The following LRRTM4 variants were observed in gnomAD, a reference collection of about 807,000 sequenced individuals.
LRRTM4 encodes leucine rich repeat transmembrane neuronal 4, also known as leucine-rich repeat transmembrane neuronal protein 4.
A neutral mutation model predicts 47.6 loss-of-function variants in LRRTM4; 25 were observed. The observed-to-expected ratio is 0.53, with a 90% confidence interval of 0.38 to 0.73. The LOEUF is 0.73. LRRTM4 is among the 30% of genes least tolerant of loss of function. The pLI is 0.00. For synonymous variants in LRRTM4, 311 were observed against 269.5 expected, an observed-to-expected ratio of 1.15 and a Z score of -1.51; for missense variants, 638 against 713.4, an observed-to-expected ratio of 0.89 and a Z score of 1.20.
chr2:77,365,808 A>T (rs1454350198), intron 3 of LRRTM4, among the ~76,000 whole-genome samples: 1 of 150,930 alleles, frequency 6.6e-6, no homozygotes, highest in Non-Finnish European at 1.5e-5. Flanking sequence ...GCGTAAACCT[A>T]TTTGATGGAA....
chr2:76,899,187 T>G (rs1027535125), intron 3 of LRRTM4, among the ~76,000 whole-genome samples: 1 of 151,712 alleles, frequency 6.6e-6, no homozygotes, highest in Admixed American at 6.6e-5. Flanking sequence ...AAGAAAAAAC[T>G]TTAACAATTT....
At chr2:77,256,404 A>T (rs536295563) in intron 3 of LRRTM4, among the ~76,000 whole-genome samples, 1 of 152,268 alleles carries the variant, frequency 6.6e-6, no homozygotes, top group South Asian at 2.1e-4. Flanking sequence ...AAGACTTCTC[A>T]TATTGTTTTG....
intron 3 of LRRTM4, among the ~76,000 whole-genome samples, chr2:76,781,044 T>C (rs1484817363): frequency 2.0e-5 from 3 of 152,090 alleles, no homozygotes; most frequent in Admixed American, 6.6e-5. Context: ...GTGCCCGTGC[T>C]TGGGGGTGCC....
At chr2:77,434,187 G>A (rs1264786495) in intron 3 of LRRTM4, among the ~76,000 whole-genome samples, 1 of 151,980 alleles carries the variant, frequency 6.6e-6, no homozygotes, top group East Asian at 1.9e-4. Flanking sequence ...ATCAGCGTTA[G>A]GATGTTGAAC....
intron 3 of LRRTM4, among the ~76,000 whole-genome samples, chr2:77,377,839 A>G (rs745430965): frequency 1.1e-4 from 17 of 151,940 alleles, no homozygotes; most frequent in Non-Finnish European, 2.5e-4. Context: ...GTCTGAAGGT[A>G]TTTATTTCTT....
chr2:77,082,852 T>C (rs925219794), intron 3 of LRRTM4, among the ~76,000 whole-genome samples: 5 of 152,088 alleles, frequency 3.3e-5, no homozygotes, highest in Admixed American at 2.0e-4. Context: ...ATTATATACA[T>C]AATAAAAGTA....
At chr2:77,340,211 G>A (rs1376139715) in intron 3 of LRRTM4, among the ~76,000 whole-genome samples, 1 of 151,774 alleles carries the variant, frequency 6.6e-6, no homozygotes, top group African/African-American at 2.4e-5. Context: ...TCTCCACCAC[G>A]CATTGCTGGA....
At chr2:77,464,135 T>C (rs1243970477) in intron 3 of LRRTM4, among the ~76,000 whole-genome samples, 2 of 152,026 alleles carry the variant, frequency 1.3e-5, no homozygotes, top group Non-Finnish European at 2.9e-5. Context: ...GAAAATGACC[T>C]GGATGCAGGC....
At chr2:76,867,223 T>G (rs1041342858) in intron 3 of LRRTM4, among the ~76,000 whole-genome samples, 8 of 152,082 alleles carry the variant, frequency 5.3e-5, no homozygotes, top group African/African-American at 1.9e-4. Context: ...ATCTCAGAAC[T>G]TAAAGTAAAA....
chr2:77,465,416 T>C (rs978912200), intron 3 of LRRTM4, among the ~76,000 whole-genome samples: 16 of 152,182 alleles, frequency 1.1e-4, no homozygotes, highest in Non-Finnish European at 2.4e-4. Flanking sequence ...GTTTCCCCAT[T>C]GTTGTTCATT....
At chr2:77,407,671 T>TGA (rs573073082) in intron 3 of LRRTM4, among the ~76,000 whole-genome samples, 109 of 129,020 alleles carry the variant, frequency 8.4e-4, no homozygotes, top group African/African-American at 3.6e-3. Context: ...TATATAATAA[T>TGA]TATATAATAT....
chr2:76,749,809 T>G (rs1672785202), intron 3 of LRRTM4, among the ~76,000 whole-genome samples: 1 of 152,356 alleles, frequency 6.6e-6, no homozygotes, highest in African/African-American at 2.4e-5. Flanking sequence ...GATACTTGCT[T>G]ACTTGTTGTT....
chr2:77,249,380 A>T (rs976823895), intron 3 of LRRTM4, among the ~76,000 whole-genome samples: 5 of 152,064 alleles, frequency 3.3e-5, no homozygotes, highest in African/African-American at 1.2e-4. Flanking sequence ...AATGAAATAA[A>T]TTTTTTGGTC....
chr2:76,910,031 A>G (rs1673992902), intron 3 of LRRTM4, among the ~76,000 whole-genome samples: 1 of 152,174 alleles, frequency 6.6e-6, no homozygotes, highest in Non-Finnish European at 1.5e-5. Context: ...ATGCTGCTAT[A>G]AAGACACATG....
intron 3 of LRRTM4, among the ~76,000 whole-genome samples, chr2:76,835,201 A>T (rs1671474258): frequency 6.6e-6 from 1 of 152,136 alleles, no homozygotes; most frequent in African/African-American, 2.4e-5. Flanking sequence ...AATAAAACTT[A>T]TTAAATTGTA....
intron 3 of LRRTM4, among the ~76,000 whole-genome samples, chr2:76,948,435 T>A (rs1402949216): frequency 1.3e-5 from 2 of 151,836 alleles, no homozygotes; most frequent in Non-Finnish European, 2.9e-5. Context: ...GAAAATGTAA[T>A]AGTCTTACAC....
intron 3 of LRRTM4, among the ~76,000 whole-genome samples, chr2:76,947,685 G>C (rs1344956003): frequency 2.0e-5 from 3 of 151,714 alleles, no homozygotes; most frequent in African/African-American, 7.3e-5. Flanking sequence ...CCACACATAT[G>C]AACAGCATTC....
chr2:76,827,944 A>G (rs1284466167), intron 3 of LRRTM4, among the ~76,000 whole-genome samples: 1 of 151,916 alleles, frequency 6.6e-6, no homozygotes, highest in Non-Finnish European at 1.5e-5. Flanking sequence ...ATGAAATGAA[A>G]TAATAATTTT....
intron 3 of LRRTM4, among the ~76,000 whole-genome samples, chr2:77,218,534 AT>A (rs1398863473): frequency 1.3e-5 from 2 of 151,210 alleles, no homozygotes; most frequent in Non-Finnish European, 3.0e-5. Flanking sequence ...TTATTTATTT[AT>A]TTATTTATTG....
Sources: gnomAD v4.1 joint callset for allele counts (sites outside exome capture counted in the v4.1 genomes callset) on GRCh38, gnomAD v4.1.1 for gene constraint, MANE v1.5 for transcripts, NCBI Gene and HGNC (gene_info 2026-07-23, HGNC 2026-07-21) for gene names.